PUM3: variants seen among roughly 807,000 people sequenced by gnomAD.
PUM3 encodes the protein pumilio homolog 3.
Under a neutral mutation model 84.0 loss-of-function variants are expected in PUM3, and 91 were observed. That is an observed-to-expected ratio of 1.08 (90% CI 0.91 to 1.29). The LOEUF (loss-of-function observed/expected upper bound fraction) is 1.29, where lower values mean the gene tolerates loss of function less well. Among genes scored for constraint, PUM3 ranks in the 50% most tolerant of loss-of-function variants. The pLI is 0.00. For missense variants in PUM3, 1,067 were observed against 767.5 expected, an observed-to-expected ratio of 1.39 and a Z score of -4.61; for synonymous variants, 321 against 266.7, an observed-to-expected ratio of 1.20 and a Z score of -1.98.
intron 12 of PUM3, 115 bp from the exon 13 acceptor site, chr9:2,820,213 A>AG: frequency 3.6e-6 from 2 of 549,064 alleles, no homozygotes; most frequent in East Asian, 5.7e-5. Context: ...AAAAAAAAAA[A>AG]AAAAAAAGAT....
chr9:2,817,062 G>A (rs1048538093), intron 13 of PUM3, among the ~76,000 whole-genome samples: 3 of 152,218 alleles, frequency 2.0e-5, no homozygotes, highest in African/African-American at 7.2e-5. Context: ...AAATTTGGCA[G>A]CCCAGCAATT....
intron 3 of PUM3, among the ~76,000 whole-genome samples, chr9:2,835,806 A>C (rs1816105213): frequency 6.6e-6 from 1 of 152,224 alleles, no homozygotes; most frequent in Admixed American, 6.5e-5. Flanking sequence ...CTGATACAAA[A>C]ATATGAGAAA....
At chr9:2,821,443 CAAAAAAAAAA>C (rs572752267) in intron 12 of PUM3, among the ~76,000 whole-genome samples, 1 of 50,130 alleles carries the variant, frequency 2.0e-5, no homozygotes, top group Non-Finnish European at 3.7e-5. Context: ...GACTCTGTCT[CAAAAAAAAAA>C]AAAAAAAAAG....
intron 16 of PUM3, among the ~76,000 whole-genome samples, chr9:2,809,618 G>A (rs1226414117): frequency 6.6e-6 from 1 of 152,122 alleles, no homozygotes; most frequent in Non-Finnish European, 1.5e-5. Flanking sequence ...TCCAGACATT[G>A]TAATGAAAAG....
At chr9:2,829,663 A>C in intron 8 of PUM3, 111 bp downstream of exon 8, 1 of 931,288 alleles carries the variant, frequency 1.1e-6, no homozygotes, top group Non-Finnish European at 1.6e-6. Context: ...ATGGTCTCTT[A>C]AAGAACCAGC....
intron 5 of PUM3, 149 bp downstream of exon 5, chr9:2,833,208 G>A: frequency 2.4e-6 from 1 of 416,638 alleles, no homozygotes; most frequent in Non-Finnish European, 4.3e-6. Flanking sequence ...AAATTTTTAT[G>A]TAGTTCAGTG....
intron 13 of PUM3, among the ~76,000 whole-genome samples, chr9:2,817,419 T>C (rs948159992): frequency 6.6e-6 from 1 of 152,164 alleles, no homozygotes; most frequent in Non-Finnish European, 1.5e-5. Flanking sequence ...GAATACATGA[T>C]AGGACCATAT....
At chr9:2,826,946 T>C (rs1342105511) in intron 10 of PUM3, 127 bp downstream of exon 10, 2 of 698,362 alleles carry the variant, frequency 2.9e-6, no homozygotes, top group East Asian at 5.6e-5. Flanking sequence ...GTTGAGTAAA[T>C]TATCTTCCCT....
intron 16 of PUM3, among the ~76,000 whole-genome samples, chr9:2,808,904 G>A (rs1011885705): frequency 6.6e-6 from 1 of 152,138 alleles, no homozygotes; most frequent in African/African-American, 2.4e-5. Context: ...GATAAATCAT[G>A]GAAGTGCCAC....
chr9:2,836,810 CGT>C (rs145780551), intron 3 of PUM3, among the ~76,000 whole-genome samples: 366 of 150,074 alleles, frequency 2.4e-3, no homozygotes, highest in Non-Finnish European at 2.9e-3. Flanking sequence ...TGTGTGTGTG[CGT>C]GTGTGTGTGT....
intron 9 of PUM3, 200 bp downstream of exon 9, chr9:2,828,475 C>A: frequency 2.1e-6 from 1 of 482,420 alleles, no homozygotes; most frequent in Non-Finnish European, 3.6e-6. Context: ...TGTTAGTTAT[C>A]ATTTTATAGG....
Position 2,824,811 on chromosome 9 carries a change from A to G in PUM3, c.1040T>C (p.Met347Thr), listed in dbSNP as rs1160382802. ...TYAPPKLRSE[M>T]IEAIREAVVY... ...CACCGCTTCGCGGATGGCTTCAATCATTTCCTAGGGAACAAATGCTGTCAG... is the reference window on the plus strand; with the variant it reads ...CACCGCTTCGCGGATGGCTTCAATCGTTTCCTAGGGAACAAATGCTGTCAG... Residue 347 changes from methionine to threonine, a missense_variant, in exon 11 of 18, where the codon ATG becomes ACG. Coordinates refer to ENST00000397885, the MANE Select transcript of PUM3 (RefSeq NM_014878.5). The G allele has an allele frequency of 2.6e-6, 4 of 1,560,330 alleles. No individual in the cohort carries two copies. The East Asian group carries it at 9.2e-5, about 36-fold the overall frequency.
At chr9:2,840,420 G>C (rs996919668) in intron 1 of PUM3, among the ~76,000 whole-genome samples, 7 of 152,108 alleles carry the variant, frequency 4.6e-5, no homozygotes, top group Admixed American at 1.3e-4. Context: ...AGAATATGTA[G>C]ACATCCTATG....
rs1482046616 is a variant in PUM3, at chr9:2,812,356, T to A, written c.1276A>T (p.Ile426Phe). The change falls in exon 14 of 18, where the codon ATC becomes TTC. Residue 426 changes from isoleucine to phenylalanine, a missense_variant. By Grantham distance (21) the Ile-to-Phe change is conservative. Transcript: ENST00000397885. Reference protein sequence around the residue: ...LVKQIIISEIISSLPSIVNDK... With the variant: ...LVKQIIISEIFSSLPSIVNDK... ...TTTACTATGCTAGGCAATGAACTGA[T>A]AATTTCCTATAAAATTATAAACAAA... 9.6e-6 allele frequency: 15 copies of A among 1,556,508 alleles called. No homozygotes were observed. The African/African-American group carries it at 2.1e-4, about 21-fold the overall frequency.
chr9:2,804,282 G>C lies in PUM3; in HGVS notation c.*49C>G, dbSNP rs1586713815. 1 of 1,590,694 alleles carries C rather than the reference G, an allele frequency of 6.3e-7. No homozygotes were observed. Among genetic ancestry groups the C allele is most frequent in the Non-Finnish European group, 8.6e-7 (1 of 1,168,034 alleles). On this transcript the variant is annotated 3_prime_UTR_variant, in exon 18 of 18. Transcript: ENST00000397885. ...CCCTTCTTTTCTGCATTGGGAAACA[G>C]AACAGAGAACAGAAAAAATCATTCC... is the stretch of plus-strand genomic sequence containing the variant.
chr9:2,816,972 G>C (rs1401517188), intron 13 of PUM3, among the ~76,000 whole-genome samples: 1 of 152,196 alleles, frequency 6.6e-6, no homozygotes, highest in Non-Finnish European at 1.5e-5. Context: ...ATTTTTAAAA[G>C]CACTGCGTAA....
chr9:2,835,530 T>C (rs890947470), intron 3 of PUM3, among the ~76,000 whole-genome samples: 2 of 147,528 alleles, frequency 1.4e-5, no homozygotes, highest in South Asian at 2.2e-4. Flanking sequence ...TATACTACAA[T>C]GTATTTATTA....
At position 2,811,601 on chromosome 9, in the gene PUM3, C is replaced by G; in HGVS notation, c.1413-18G>C. 1.9e-6 allele frequency: 3 copies of G among 1,588,342 alleles called. No individual in the cohort carries two copies. The highest frequency in any genetic ancestry group is 2.6e-6 in the Non-Finnish European group (3 of 1,157,448). ...CTTTCTTACTGTTGAGTATGTTGAA[C>G]GGGGTATTAAGGTAAGATAAATCGC... On this transcript the variant is annotated intron_variant, in intron 14 of 17. Transcript: ENST00000397885.
intron 12 of PUM3, among the ~76,000 whole-genome samples, chr9:2,821,318 C>A (rs1365938195): frequency 3.3e-5 from 5 of 151,708 alleles, no homozygotes; most frequent in African/African-American, 1.2e-4. Context: ...GTGGTGGGCG[C>A]CTGTAGTCCC....
Sources: allele counts gnomAD v4.1 joint callset (sites outside exome capture counted in the v4.1 genomes callset), GRCh38; gene constraint gnomAD v4.1.1; transcripts MANE v1.5; gene names NCBI Gene and HGNC (gene_info 2026-07-23, HGNC 2026-07-21).